ADGRG6: variants seen among roughly 807,000 people sequenced by gnomAD.
The protein encoded by ADGRG6 is adhesion G protein-coupled receptor G6.
ADGRG6 carries 84 observed loss-of-function variants against 142.4 expected under a neutral mutation model. The ratio of observed to expected loss-of-function variants is 0.59; its 90% confidence interval spans 0.49 to 0.71. ADGRG6 has a LOEUF of 0.71. Ranked by LOEUF, ADGRG6 falls within the 30% of genes least tolerant of loss-of-function variation. The probability of loss-of-function intolerance (pLI) is 0.00; values close to 1 mark genes in which losing one functional copy is unlikely to be tolerated. For missense variants in ADGRG6, 1,367 were observed against 1,466.6 expected, an observed-to-expected ratio of 0.93 and a Z score of 1.11; for synonymous variants, 521 against 520.5, an observed-to-expected ratio of 1.00 and a Z score of -0.01.
intron 2 of ADGRG6, among the ~76,000 whole-genome samples, chr6:142,326,455 T>C (rs950501459): frequency 2.0e-5 from 3 of 151,984 alleles, no homozygotes; most frequent in Non-Finnish European, 4.4e-5. Flanking sequence ...TTGGCATATC[T>C]TGCTGGACCT....
rs142812175 is a variant in ADGRG6 at position 142,428,083 on chromosome 6, GT to G, written c.3319+7981del. Among the ~76,000 whole-genome samples the G allele has an allele frequency of 5.6e-3, 858 of 152,200 alleles. 7 individuals are homozygous for G. Among genetic ancestry groups the G allele is most frequent in the African/African-American group, 0.02 (820 of 41,522 alleles). On this transcript the variant is annotated intron_variant, in intron 22 of 24. Transcript: ENST00000367609. Reference sequence around the variant, plus strand: ...TTCTTCAAAACTTTGGCTCAAGCATGTTAAAAACTCCATTTAATCTTTCAGG... The same window carrying G: ...TTCTTCAAAACTTTGGCTCAAGCATGTAAAAACTCCATTTAATCTTTCAGG...
intron 24 of ADGRG6, 28 bp from the exon 25 acceptor site, chr6:142,443,309 A>G: frequency 6.4e-7 from 1 of 1,571,060 alleles, no homozygotes; most frequent in Non-Finnish European, 8.7e-7. Flanking sequence ...CTCATCTTGA[A>G]CCTAATTTCT....
chr6:142,322,088 G>C (rs1778546341), intron 2 of ADGRG6, among the ~76,000 whole-genome samples: 1 of 152,042 alleles, frequency 6.6e-6, no homozygotes, highest in Non-Finnish European at 1.5e-5. Context: ...CAGTATTCAG[G>C]GATATTTTCA....
chr6:142,364,164 C>A (rs1307295150), intron 2 of ADGRG6, among the ~76,000 whole-genome samples: 2 of 152,004 alleles, frequency 1.3e-5, no homozygotes, highest in Non-Finnish European at 2.9e-5. Flanking sequence ...GGTAATAATT[C>A]TCAGGGTTAT....
At chr6:142,410,774 T>G (rs1328767073) in intron 17 of ADGRG6, among the ~76,000 whole-genome samples, 1 of 152,158 alleles carries the variant, frequency 6.6e-6, no homozygotes, top group Non-Finnish European at 1.5e-5. Flanking sequence ...ATGGATTCAA[T>G]ACATTGACAA....
At position 142,344,719 on chromosome 6, in the gene ADGRG6, T is replaced by C. The variant is rs568980524; in HGVS notation, c.104-22850T>C. ...TGTAAGGAAAAAGCTTCTGCTTCTA[T>C]TCTATTTGAGGTAATAATTGGTAGG... On this transcript the variant is annotated intron_variant, in intron 2 of 24. Transcript: ENST00000367609. 3.9e-5 allele frequency among the ~76,000 whole-genome samples: 6 copies of C among 152,112 alleles called. No homozygotes were observed. In the South Asian group the frequency reaches 1.2e-3, roughly 32 times the overall value.
chr6:142,374,232 A>G (rs1391801285), intron 4 of ADGRG6, among the ~76,000 whole-genome samples: 1 of 152,190 alleles, frequency 6.6e-6, no homozygotes, highest in Non-Finnish European at 1.5e-5. Flanking sequence ...TACTTTGGAC[A>G]GCACTAGAAA....
rs771971212 is a variant in ADGRG6 at position 142,415,831 on chromosome 6, T to C, written c.2705T>C (p.Met902Thr). The change falls in exon 20 of 25, where the codon ATG becomes ACG. Residue 902 changes from methionine to threonine, a missense_variant. Met to Thr is a moderately conservative substitution (Grantham distance 81). This residue lies in a region of ADGRG6 where 286 missense variants were observed against 371.4 expected (regional missense o/e 0.77). Coordinates refer to ENST00000367609, the MANE Select transcript of ADGRG6 (RefSeq NM_198569.3). Reference protein sequence around the residue: ...LRRDYPSKILMNLSTALLFLN... With the variant: ...LRRDYPSKILTNLSTALLFLN... Reference sequence around the variant, plus strand: ...AGGGATTATCCCTCCAAAATCTTGATGAACCTGAGCACAGCCCTGCTGTTC... The same window carrying C: ...AGGGATTATCCCTCCAAAATCTTGACGAACCTGAGCACAGCCCTGCTGTTC... 3 of 1,612,774 alleles carry C rather than the reference T, an allele frequency of 1.9e-6. No homozygotes were observed. Among genetic ancestry groups the C allele is most frequent in the South Asian group, 1.1e-5 (1 of 91,060 alleles).
intron 2 of ADGRG6, among the ~76,000 whole-genome samples, chr6:142,321,989 A>T (rs1778541969): frequency 6.6e-6 from 1 of 152,078 alleles, no homozygotes; most frequent in Admixed American, 6.6e-5. Flanking sequence ...CAACTTCTTT[A>T]TTTGTTAGAG....
chr6:142,401,895 A>G, intron 11 of ADGRG6, 99 bp from the exon 12 acceptor site: 1 of 596,184 alleles, frequency 1.7e-6, no homozygotes, highest in African/African-American at 1.9e-5. Flanking sequence ...TCCATTGATC[A>G]TATTGTAATA....
intron 22 of ADGRG6, among the ~76,000 whole-genome samples, chr6:142,421,415 T>C (rs1776646921): frequency 6.6e-6 from 1 of 152,164 alleles, no homozygotes; most frequent in Non-Finnish European, 1.5e-5. Flanking sequence ...ACTCCAAAAA[T>C]TGGAAAATGA....
intron 1 of ADGRG6, among the ~76,000 whole-genome samples, chr6:142,303,131 T>C (rs1777310142): frequency 6.6e-6 from 1 of 152,160 alleles, no homozygotes; most frequent in Non-Finnish European, 1.5e-5. Context: ...ACTAAGAAGT[T>C]TCTTTTTCTT....
At chr6:142,324,308 T>G (rs1019603812) in intron 2 of ADGRG6, among the ~76,000 whole-genome samples, 1 of 152,122 alleles carries the variant, frequency 6.6e-6, no homozygotes, top group East Asian at 1.9e-4. Context: ...CAATTGCTGA[T>G]GTCAGCATGG....
intron 4 of ADGRG6, among the ~76,000 whole-genome samples, chr6:142,371,684 A>G (rs1781268384): frequency 6.6e-6 from 1 of 151,666 alleles, no homozygotes; most frequent in Non-Finnish European, 1.5e-5. Context: ...ATGGGGTTTC[A>G]CTGTGTTAGC....
intron 2 of ADGRG6, among the ~76,000 whole-genome samples, chr6:142,356,665 A>G (rs1045426291): frequency 1.4e-5 from 2 of 147,448 alleles, no homozygotes; most frequent in Admixed American, 7.0e-5. Context: ...TCTGCCACCC[A>G]TAGTAGAGCT....
chr6:142,306,553 T>G (rs142299432), intron 1 of ADGRG6, among the ~76,000 whole-genome samples: 2 of 151,940 alleles, frequency 1.3e-5, no homozygotes, highest in East Asian at 1.9e-4. Flanking sequence ...AGATGATAGG[T>G]TTTTTTTGCA....
chr6:142,418,371 T>C (rs1046041363), intron 21 of ADGRG6, among the ~76,000 whole-genome samples: 2 of 151,400 alleles, frequency 1.3e-5, no homozygotes, highest in African/African-American at 4.9e-5. Flanking sequence ...TTCACAGTCT[T>C]GCCATCTCTT....
Position 142,415,898 on chromosome 6 carries a change from C to T in ADGRG6, c.2772C>T (p.Phe924=). The T allele has an allele frequency of 6.2e-7, 1 of 1,613,516 alleles. No individual in the cohort carries two copies. Among genetic ancestry groups the T allele is most frequent in the Non-Finnish European group, 8.5e-7 (1 of 1,179,536 alleles). ...TCCTAGATGGCTGGATCACCTCCTT[C>T]AATGTGGATGGACTTTGCATTGCTG... ...LFLLDGWITS[F]NVDGLCIAVA... is the part of the protein sequence containing the mutation. Residue 924 remains phenylalanine, a synonymous_variant, in exon 20 of 25, where the codon TTC becomes TTT. Coordinates refer to ENST00000367609, the MANE Select transcript of ADGRG6 (RefSeq NM_198569.3).
intron 15 of ADGRG6, among the ~76,000 whole-genome samples, chr6:142,407,061 G>A (rs1775839210): frequency 6.6e-6 from 1 of 151,502 alleles, no homozygotes; most frequent in South Asian, 2.1e-4. Context: ...CTGGCCAGGC[G>A]CAGTGCCTCG....
Sources: gnomAD v4.1 joint callset for allele counts (sites outside exome capture counted in the v4.1 genomes callset) on GRCh38, gnomAD v4.1.1 for gene constraint, gnomAD v4.1.1 regional missense constraint, MANE v1.5 for transcripts, NCBI Gene and HGNC (gene_info 2026-07-23, HGNC 2026-07-21) for gene names.